Variants in RBFOX1 observed in about 807,000 individuals in gnomAD.
RBFOX1 encodes RNA binding fox-1 homolog 1.
RBFOX1 carries 8 observed loss-of-function variants against 57.7 expected under a neutral mutation model. That is an observed-to-expected ratio of 0.14 (90% CI 0.08 to 0.25). The LOEUF (loss-of-function observed/expected upper bound fraction) is 0.25. Ranked by LOEUF, RBFOX1 falls within the 10% of genes least tolerant of loss-of-function variation. The pLI is 1.00. For missense variants in RBFOX1, 611 were observed against 548.5 expected, an observed-to-expected ratio of 1.11 and a Z score of -1.14; for synonymous variants, 326 against 222.4, an observed-to-expected ratio of 1.47 and a Z score of -4.15.
chr16:6,592,766 A>G (rs1164695914), intron 2 of RBFOX1, among the ~76,000 whole-genome samples: 5 of 152,292 alleles, frequency 3.3e-5, no homozygotes, highest in Admixed American at 1.3e-4. Context: ...TAGATGAAAT[A>G]GAGGTTATTC....
At chr16:7,663,115 C>T (rs2068199491) in intron 12 of RBFOX1, among the ~76,000 whole-genome samples, 1 of 152,272 alleles carries the variant, frequency 6.6e-6, no homozygotes, top group African/African-American at 2.4e-5. Flanking sequence ...TGGTTTGGGA[C>T]CCAAACTAAA....
chr16:5,739,034 A>G (rs775241962), intron 3 of RBFOX1, among the ~76,000 whole-genome samples: 1 of 152,176 alleles, frequency 6.6e-6, no homozygotes, highest in South Asian at 2.1e-4. Flanking sequence ...AGTTTAGAAA[A>G]AACTCTTTTT....
chr16:6,069,624 A>G (rs1331571893), intron 1 of RBFOX1, among the ~76,000 whole-genome samples: 4 of 152,176 alleles, frequency 2.6e-5, no homozygotes, highest in Admixed American at 6.5e-5. Flanking sequence ...AAACTTAGTT[A>G]TTTTAGGAAG....
chr16:5,768,544 C>T (rs1211535796), intron 3 of RBFOX1, among the ~76,000 whole-genome samples: 1 of 152,088 alleles, frequency 6.6e-6, no homozygotes, highest in Non-Finnish European at 1.5e-5. Context: ...TGTTTTCGGC[C>T]CACATGACAT....
intron 3 of RBFOX1, among the ~76,000 whole-genome samples, chr16:5,748,828 T>A (rs1287099253): frequency 3.3e-5 from 5 of 152,224 alleles, no homozygotes; most frequent in African/African-American, 1.2e-4. Flanking sequence ...TTATCCAATT[T>A]GCCAGTCTGT....
chr16:7,072,374 G>A (rs1274597377), intron 4 of RBFOX1, among the ~76,000 whole-genome samples: 6 of 152,158 alleles, frequency 3.9e-5, no homozygotes, highest in Non-Finnish European at 5.9e-5. Flanking sequence ...TTGTTTTGTG[G>A]TTTACTTGGT....
intron 4 of RBFOX1, among the ~76,000 whole-genome samples, chr16:7,347,685 C>G: frequency 6.6e-6 from 1 of 152,180 alleles, no homozygotes; most frequent in East Asian, 1.9e-4. Context: ...CTCTGCAAGT[C>G]TTCATTCAAC....
chr16:5,799,179 G>GATTTCTTATA (rs1318440034), intron 3 of RBFOX1, among the ~76,000 whole-genome samples: 1 of 152,022 alleles, frequency 6.6e-6, no homozygotes, highest in Non-Finnish European at 1.5e-5. Flanking sequence ...AGCAGAAAGG[G>GATTTCTTATA]AAACCCCTTA....
At chr16:6,411,155 A>AT (rs1161246524) in intron 2 of RBFOX1, among the ~76,000 whole-genome samples, 1 of 151,976 alleles carries the variant, frequency 6.6e-6, no homozygotes, top group Non-Finnish European at 1.5e-5. Flanking sequence ...TTGTTTTTAA[A>AT]TTTTTTTTGT....
intron 3 of RBFOX1, among the ~76,000 whole-genome samples, chr16:6,993,533 G>C (rs1173358997): frequency 6.6e-6 from 1 of 152,080 alleles, no homozygotes; most frequent in Middle Eastern, 3.2e-3. Flanking sequence ...CTGGTTAAAG[G>C]TCCTTTCCCC....
intron 2 of RBFOX1, among the ~76,000 whole-genome samples, chr16:6,337,474 C>T (rs1008244550): frequency 5.3e-5 from 8 of 152,120 alleles, no homozygotes; most frequent in Non-Finnish European, 1.0e-4. Flanking sequence ...ATGTTGTGGG[C>T]TGGGAGAGCC....
At chr16:6,765,540 A>G (rs1015206243) in intron 3 of RBFOX1, among the ~76,000 whole-genome samples, 3 of 152,186 alleles carry the variant, frequency 2.0e-5, no homozygotes, top group East Asian at 1.9e-4. Flanking sequence ...GAAAAAAAGA[A>G]TGCTGGTGGG....
intron 1 of RBFOX1, among the ~76,000 whole-genome samples, chr16:5,240,761 C>T (rs139111331): frequency 1.3e-5 from 2 of 152,166 alleles, no homozygotes; most frequent in Non-Finnish European, 2.9e-5. Flanking sequence ...GTCCTGCACA[C>T]GTGGGCCCCT....
At chr16:6,211,172 A>G (rs1300123529) in intron 1 of RBFOX1, among the ~76,000 whole-genome samples, 8 of 146,706 alleles carry the variant, frequency 5.5e-5, no homozygotes, top group Admixed American at 4.8e-4. Flanking sequence ...TCCATGAGAC[A>G]GAGTGTTTTC....
intron 4 of RBFOX1, among the ~76,000 whole-genome samples, chr16:7,412,490 C>T (rs1016656462): frequency 6.6e-6 from 1 of 151,396 alleles, no homozygotes; most frequent in Non-Finnish European, 1.5e-5. Flanking sequence ...CACAACATTT[C>T]TGTAAATCGA....
intron 3 of RBFOX1, among the ~76,000 whole-genome samples, chr16:6,780,367 T>G (rs2080676136): frequency 9.6e-6 from 1 of 103,848 alleles, no homozygotes; most frequent in African/African-American, 4.3e-5. Flanking sequence ...ATATACATAT[T>G]TATAGATATA....
At chr16:5,784,411 A>T (rs1461738048) in intron 3 of RBFOX1, among the ~76,000 whole-genome samples, 3 of 148,954 alleles carry the variant, frequency 2.0e-5, no homozygotes, top group Non-Finnish European at 4.5e-5. Flanking sequence ...TGGGCGACAG[A>T]GCGAGAGTCC....
chr16:6,530,245 A>C (rs2096638343), intron 2 of RBFOX1, among the ~76,000 whole-genome samples: 1 of 152,092 alleles, frequency 6.6e-6, no homozygotes, highest in African/African-American at 2.4e-5. Context: ...GGGCAGGAAG[A>C]AGCGGCAAAG....
chr16:6,621,418 T>C (rs12709154), intron 2 of RBFOX1, among the ~76,000 whole-genome samples: 114,730 of 152,122 alleles, frequency 0.75, 43,377 homozygotes, highest in South Asian at 0.84. Context: ...GAACCAAGAT[T>C]GCGCCACTGC....
Sources: gnomAD v4.1 joint callset for allele counts (sites outside exome capture counted in the v4.1 genomes callset) on GRCh38, gnomAD v4.1.1 for gene constraint, MANE v1.5 for transcripts, NCBI Gene and HGNC (gene_info 2026-07-23, HGNC 2026-07-21) for gene names.